The following RFFL variants were observed in gnomAD, a reference collection of about 807,000 sequenced individuals.
The protein encoded by RFFL is E3 ubiquitin-protein ligase rififylin.
Under a neutral mutation model 40.4 loss-of-function variants are expected in RFFL, and 16 were observed. That is an observed-to-expected ratio of 0.40 (90% confidence interval 0.27 to 0.60). The LOEUF (loss-of-function observed/expected upper bound fraction) is 0.60. RFFL is among the 20% of genes least tolerant of loss of function. RFFL has a pLI of 0.47. For missense variants in RFFL, 367 were observed against 451.7 expected, an observed-to-expected ratio of 0.81 and a Z score of 1.70; for synonymous variants, 154 against 167.9, an observed-to-expected ratio of 0.92 and a Z score of 0.64.
rs2091165168 is a variant in RFFL at position 35,041,562 on chromosome 17, G to A, written c.-8-15001C>T. ...TCACTCGTTAACTTCAAGCCATAGT[G>A]GGCTGGTGTGTGAAGAACCGAAAGG... On this transcript the variant is annotated intron_variant, in intron 1 of 6. Coordinates refer to ENST00000394597, the MANE Select transcript of RFFL (RefSeq NM_001017368.2). Among the ~76,000 whole-genome samples, 4 of 149,434 alleles carry A rather than the reference G, an allele frequency of 2.7e-5. No individual in the cohort carries two copies. The South Asian group carries it at 8.4e-4, about 31-fold the overall frequency.
rs1188994372 is a variant in RFFL, at chr17:35,021,543, A to T, written c.419T>A (p.Ile140Asn). The T allele has an allele frequency of 6.2e-7, 1 of 1,613,810 alleles. No individual in the cohort carries two copies. The highest frequency in any genetic ancestry group is 8.5e-7 in the Non-Finnish European group (1 of 1,179,822). ...GGCACGAGTCCTGTCCTCCTGGGAG[A>T]TTACAGGCTGCTGGCCAAGGACCAA... Reference protein sequence around the residue: ...VLLVLGQQPVISQEDRTRAST... With the variant: ...VLLVLGQQPVNSQEDRTRAST... Residue 140 changes from isoleucine (I) to asparagine (N), a missense_variant, in exon 3 of 7, where the codon ATC becomes AAC. Physicochemically the swap from Ile to Asn is moderately radical, Grantham distance 149 (BLOSUM62 -3). Coordinates refer to ENST00000394597, the MANE Select transcript of RFFL (RefSeq NM_001017368.2).
intron 1 of RFFL, among the ~76,000 whole-genome samples, chr17:35,045,338 T>C (rs2091192756): frequency 6.6e-6 from 1 of 151,924 alleles, no homozygotes; most frequent in South Asian, 2.1e-4. Flanking sequence ...GTTCAAGCAA[T>C]TCTCATGCTT....
intron 3 of RFFL, among the ~76,000 whole-genome samples, chr17:35,020,072 A>G (rs1195018479): frequency 6.6e-6 from 1 of 152,222 alleles, no homozygotes; most frequent in East Asian, 1.9e-4. Flanking sequence ...TAGACATGGT[A>G]TCACGCATTC....
chr17:35,085,649 T>C (rs1238175359), intron 1 of RFFL, among the ~76,000 whole-genome samples: 1 of 152,184 alleles, frequency 6.6e-6, no homozygotes, highest in African/African-American at 2.4e-5. Flanking sequence ...GGCTGGTCTC[T>C]AACTCCTGAT....
intron 1 of RFFL, among the ~76,000 whole-genome samples, chr17:35,078,476 G>C (rs2091388108): frequency 6.6e-6 from 1 of 152,002 alleles, no homozygotes. Flanking sequence ...CTAATTTTTT[G>C]TATTTTTTGG....
intron 1 of RFFL, among the ~76,000 whole-genome samples, chr17:35,028,911 CCT>C (rs1203117359): frequency 1.3e-5 from 2 of 152,012 alleles, no homozygotes; most frequent in Non-Finnish European, 2.9e-5. Context: ...CTGATTAACA[CCT>C]GTCTCCCCAA....
At chr17:35,047,902 C>A (rs1381904159) in intron 1 of RFFL, among the ~76,000 whole-genome samples, 1 of 151,986 alleles carries the variant, frequency 6.6e-6, no homozygotes, top group East Asian at 2.0e-4. Context: ...CAGGTGCCCA[C>A]CACCATGCCC....
chr17:35,059,882 T>G (rs2091281979), intron 1 of RFFL, among the ~76,000 whole-genome samples: 1 of 152,174 alleles, frequency 6.6e-6, no homozygotes, highest in Admixed American at 6.5e-5. Context: ...ATCATTTTAA[T>G]TATCCTCTCA....
At chr17:35,012,715 C>G (rs948811569) in intron 6 of RFFL, among the ~76,000 whole-genome samples, 2 of 152,238 alleles carry the variant, frequency 1.3e-5, no homozygotes, top group East Asian at 3.8e-4. Flanking sequence ...GAGGAAACTT[C>G]CTGGTGGAGA....
At chr17:35,062,921 T>A (rs1451476969) in intron 1 of RFFL, among the ~76,000 whole-genome samples, 1 of 152,170 alleles carries the variant, frequency 6.6e-6, no homozygotes, top group African/African-American at 2.4e-5. Flanking sequence ...ACAAACTCAC[T>A]GATAAGACAG....
At chr17:35,032,718 A>C (rs1488400932) in intron 1 of RFFL, among the ~76,000 whole-genome samples, 1 of 152,026 alleles carries the variant, frequency 6.6e-6, no homozygotes, top group African/African-American at 2.4e-5. Flanking sequence ...GGCTGATTAG[A>C]TGGTCTGGGT....
At chr17:35,020,068 T>C (rs2090999157) in intron 3 of RFFL, among the ~76,000 whole-genome samples, 1 of 152,252 alleles carries the variant, frequency 6.6e-6, no homozygotes, top group East Asian at 1.9e-4. Flanking sequence ...CTTTTAGACA[T>C]GGTATCACGC....
At chr17:35,067,456 CTTT>C (rs34727905), upstream of RFFL, among the ~76,000 whole-genome samples, 15 of 126,682 alleles carry the variant, frequency 1.2e-4, no homozygotes, top group Middle Eastern at 7.9e-3. Context: ...TCTTCCAAGC[CTTT>C]TTTTTTTTTT....
chr17:35,055,206 C>T (rs938144880), intron 1 of RFFL, among the ~76,000 whole-genome samples: 1 of 152,018 alleles, frequency 6.6e-6, no homozygotes, highest in African/African-American at 2.4e-5. Context: ...GCGTGAGCCA[C>T]AGCGCCCGGC....
At chr17:35,024,796 A>C (rs2142325838) in intron 2 of RFFL, among the ~76,000 whole-genome samples, 2 of 152,350 alleles carry the variant, frequency 1.3e-5, no homozygotes, top group East Asian at 3.9e-4. Flanking sequence ...CCTTAAGATA[A>C]GAATGCTGAT....
chr17:35,069,232 T>C (rs1281724003), intron 1 of RFFL: 10 of 456,724 alleles, frequency 2.2e-5, no homozygotes, highest in African/African-American at 2.0e-4. Flanking sequence ...CTGCCTCCAA[T>C]AAGTCAAACT....
At chr17:35,023,041 G>A (rs1459609495) in intron 2 of RFFL, among the ~76,000 whole-genome samples, 1 of 152,198 alleles carries the variant, frequency 6.6e-6, no homozygotes, top group Non-Finnish European at 1.5e-5. Context: ...GCTCTGTTCT[G>A]GCCAAGAGCA....
At chr17:35,044,606 T>G (rs1319524100) in intron 1 of RFFL, among the ~76,000 whole-genome samples, 2 of 152,082 alleles carry the variant, frequency 1.3e-5, no homozygotes, top group Non-Finnish European at 2.9e-5. Flanking sequence ...AGAGCGAGAC[T>G]CCATCTCAAA....
At chr17:35,013,591 T>C (rs527420999) in intron 6 of RFFL, among the ~76,000 whole-genome samples, 4 of 152,158 alleles carry the variant, frequency 2.6e-5, no homozygotes, top group Admixed American at 6.5e-5. Flanking sequence ...AAGAAATACT[T>C]CCCCCTAGGA....
Sources: gnomAD v4.1 joint callset for allele counts (sites outside exome capture counted in the v4.1 genomes callset) on GRCh38, gnomAD v4.1.1 for gene constraint, MANE v1.5 for transcripts, NCBI Gene and HGNC (gene_info 2026-07-23, HGNC 2026-07-21) for gene names.